KIAA1614: variants seen among roughly 807,000 people sequenced by gnomAD.
KIAA1614 encodes the protein uncharacterized protein KIAA1614.
A neutral mutation model predicts 88.7 loss-of-function variants in KIAA1614; 76 were observed. That is an observed-to-expected ratio of 0.86 (90% confidence interval 0.71 to 1.04). The LOEUF is 1.04. Among genes scored for constraint, KIAA1614 ranks in the 50% least tolerant of loss-of-function variants. The pLI is 0.00. For missense variants in KIAA1614, 1,553 were observed against 1,582.5 expected, an observed-to-expected ratio of 0.98 and a Z score of 0.32; for synonymous variants, 714 against 675.5, an observed-to-expected ratio of 1.06 and a Z score of -0.88.
At chr1:180,922,723 G>A (rs987000921) in intron 3 of KIAA1614, among the ~76,000 whole-genome samples, 3 of 152,178 alleles carry the variant, frequency 2.0e-5, no homozygotes, top group African/African-American at 7.2e-5. Context: ...TTCACCTCAA[G>A]CCACCAGAGC....
chr1:180,944,423 C>CT lies in KIAA1614; in HGVS notation c.3198dup (p.Gln1067SerfsTer107), dbSNP rs767665916. On this transcript the variant is annotated frameshift_variant, in exon 8 of 9. Transcript: ENST00000367588. LOFTEE classifies it high-confidence loss of function. ...TCTCACCAGCGTCGGAAAGCTGCCTCTTTTCAGAACCTCCATTCTCTGCTG... is the reference window on the plus strand; with the variant it reads ...TCTCACCAGCGTCGGAAAGCTGCCTCTTTTTCAGAACCTCCATTCTCTGCTG... The CT allele has an allele frequency of 6.2e-6, 10 of 1,613,858 alleles. No individual in the cohort carries two copies. In the Admixed American group the frequency reaches 1.7e-4, roughly 27 times the overall value.
intron 3 of KIAA1614, among the ~76,000 whole-genome samples, chr1:180,921,926 T>C (rs1653960918): frequency 6.6e-6 from 1 of 152,172 alleles, no homozygotes; most frequent in African/African-American, 2.4e-5. Context: ...AGAGACATAC[T>C]GGGAACGCAG....
intron 3 of KIAA1614, among the ~76,000 whole-genome samples, chr1:180,920,384 T>C (rs886242004): frequency 3.3e-5 from 5 of 152,174 alleles, no homozygotes; most frequent in African/African-American, 4.8e-5. Flanking sequence ...TCTAAGGGGC[T>C]TAGGACTTTG....
intron 6 of KIAA1614, 92 bp downstream of exon 6, chr1:180,938,803 C>A: frequency 8.3e-7 from 1 of 1,202,986 alleles, no homozygotes; most frequent in Non-Finnish European, 1.2e-6. Flanking sequence ...GTGGCATGAC[C>A]CACCTCCCTG....
At chr1:180,944,231 G>A (rs76052926) in intron 7 of KIAA1614, 158 bp from the exon 8 acceptor site, 8 of 675,390 alleles carry the variant, frequency 1.2e-5, no homozygotes, top group East Asian at 3.0e-5. Flanking sequence ...ATGTCCTTGA[G>A]TAAGTCATGG....
chr1:180,925,023 G>A (rs1279376309), intron 3 of KIAA1614, among the ~76,000 whole-genome samples: 5 of 151,950 alleles, frequency 3.3e-5, no homozygotes, highest in Admixed American at 3.3e-4. Context: ...TAGGGAAACT[G>A]AGGCTCAACT....
At chr1:180,944,775 G>C (rs953510912) in intron 8 of KIAA1614, 2 of 340,132 alleles carry the variant, frequency 5.9e-6, no homozygotes, top group African/African-American at 2.1e-5. Flanking sequence ...TGATTCCACT[G>C]TCCCTCTGCT....
chr1:180,927,328 C>A (rs989619301), intron 3 of KIAA1614, among the ~76,000 whole-genome samples: 2 of 152,204 alleles, frequency 1.3e-5, no homozygotes, highest in Non-Finnish European at 2.9e-5. Flanking sequence ...CCCCAAAGAG[C>A]GCATCTGCCC....
chr1:180,943,926 C>A (rs1654526543), intron 7 of KIAA1614: 1 of 161,478 alleles, frequency 6.2e-6, no homozygotes, highest in Admixed American at 6.1e-5. Flanking sequence ...TTTGTGAACT[C>A]CTTGAATGAT....
chr1:180,936,164 C>T lies in KIAA1614; in HGVS notation c.2255C>T (p.Pro752Leu). The T allele has an allele frequency of 1.2e-6, 2 of 1,614,176 alleles. No homozygotes were observed. Among genetic ancestry groups the T allele is most frequent in the Non-Finnish European group, 8.5e-7 (1 of 1,180,022 alleles). ...PCRTAYATTA[P>L]MTPESSGPGG... is the part of the protein sequence containing the mutation. ...AGGACAGCCTATGCCACCACCGCCC[C>T]CATGACGCCTGAATCATCGGGGCCA... The change falls in exon 5 of 9, where the codon CCC (proline) becomes CTC (leucine). Residue 752 changes from proline to leucine, a missense_variant. Transcript: ENST00000367588.
intron 3 of KIAA1614, among the ~76,000 whole-genome samples, chr1:180,921,087 C>T (rs1653943865): frequency 1.3e-5 from 2 of 152,166 alleles, no homozygotes; most frequent in Admixed American, 1.3e-4. Flanking sequence ...CTGTTTATTT[C>T]ACCTGGGTGC....
At chr1:180,942,069 C>G (rs1051579218) in intron 7 of KIAA1614, among the ~76,000 whole-genome samples, 2 of 151,494 alleles carry the variant, frequency 1.3e-5, no homozygotes, top group East Asian at 2.0e-4. Flanking sequence ...CCCCACCCCC[C>G]CAGCCCCGCT....
chr1:180,935,246 C>A lies in KIAA1614; in HGVS notation c.1337C>A (p.Ser446Ter), dbSNP rs777566599. 1 of 1,526,068 alleles carries A rather than the reference C, an allele frequency of 6.6e-7. No homozygotes were observed. Among genetic ancestry groups the A allele is most frequent in the South Asian group, 1.3e-5 (1 of 78,890 alleles). 94.5% of individuals were successfully genotyped at this position (1,526,068 alleles called of 1,614,324 possible). A position where few individuals can be genotyped will look rare whatever the true frequency, so the allele number is the denominator to read the frequency against. ...SGGHRPRRGP[S>*]PSHVRFEDES... ...GGGCACAGGCCGAGGCGGGGCCCCTCGCCGTCGCACGTGCGCTTTGAGGAT... is the reference window on the plus strand; with the variant it reads ...GGGCACAGGCCGAGGCGGGGCCCCTAGCCGTCGCACGTGCGCTTTGAGGAT... The change falls in exon 5 of 9, where the codon TCG becomes TAG. Residue 446 changes from serine to a stop codon, truncating the protein, a stop_gained. Transcript: ENST00000367588. LOFTEE classifies it high-confidence loss of function. The surrounding 1 kb of genome is among the most constrained non-coding windows in gnomAD (Gnocchi z 6.1).
At position 180,934,266 on chromosome 1, in the gene KIAA1614, A is replaced by AAAAAG. The variant is rs1210966485; in HGVS notation, c.1206-829_1206-825dup. ...AAACTCCGTCTCAAAAAAAAAAAAA[A>AAAAAG]AAAAGAAAAGAAAAGAAAAGAAAAA... is the stretch of plus-strand genomic sequence containing the variant. On this transcript the variant is annotated intron_variant, in intron 4 of 8. Transcript: ENST00000367588. Among the ~76,000 whole-genome samples the AAAAAG allele has an allele frequency of 1.0e-4, 12 of 115,942 alleles. No individual in the cohort carries two copies. In the East Asian group the frequency reaches 1.9e-3, roughly 19 times the overall value. 76.1% of individuals were successfully genotyped at this position (115,942 alleles called of 152,430 possible). A position where few individuals can be genotyped will look rare whatever the true frequency, so the allele number is the denominator to read the frequency against.
intron 3 of KIAA1614, 29 bp from the exon 4 acceptor site, chr1:180,928,401 A>T: frequency 6.6e-7 from 1 of 1,512,428 alleles, no homozygotes; most frequent in Non-Finnish European, 8.9e-7. Flanking sequence ...TCCCTCCCCC[A>T]CCACCCTGGC....
At chr1:180,930,533 G>C (rs1654174615) in intron 4 of KIAA1614, among the ~76,000 whole-genome samples, 1 of 152,202 alleles carries the variant, frequency 6.6e-6, no homozygotes, top group Non-Finnish European at 1.5e-5. Flanking sequence ...GTTCTACTTT[G>C]TAGAGGCATT....
chr1:180,943,548 A>ATTTTTTTTTTTT lies in KIAA1614; in HGVS notation c.3160-840_3160-839insTTTTTTTTTTTT, dbSNP rs201999726. Among the ~76,000 whole-genome samples the ATTTTTTTTTTTT allele has an allele frequency of 6.5e-3, 488 of 74,796 alleles. 27 individuals are homozygous for ATTTTTTTTTTTT. The highest frequency in any genetic ancestry group is 7.3e-3 in the Non-Finnish European group (286 of 39,192). The allele number at this position is 74,796 out of a possible 152,430, so 49.1% of individuals were successfully genotyped here. On this transcript the variant is annotated intron_variant, in intron 7 of 8. Coordinates refer to ENST00000367588, the MANE Select transcript of KIAA1614 (RefSeq NM_020950.2). ...GGATTGTAGGATTGAATGGTAGTAG[A>ATTTTTTTTTTTT]TCTTTTTTTTTTTTTTTTGAGACAG...
chr1:180,924,424 A>G (rs1654024004), intron 3 of KIAA1614, among the ~76,000 whole-genome samples: 1 of 152,218 alleles, frequency 6.6e-6, no homozygotes, highest in East Asian at 1.9e-4. Context: ...GAATCTGTTC[A>G]TCTTCAGGAA....
chr1:180,934,772 G>A (rs1294094918), intron 4 of KIAA1614, among the ~76,000 whole-genome samples: 1 of 152,038 alleles, frequency 6.6e-6, no homozygotes, highest in East Asian at 1.9e-4. Context: ...ACACACAGAC[G>A]CCGCACCACC....
Sources: gnomAD v4.1 joint callset for allele counts (sites outside exome capture counted in the v4.1 genomes callset) on GRCh38, gnomAD v4.1.1 for gene constraint, Gnocchi (gnomAD v3.1) non-coding constraint, MANE v1.5 for transcripts, NCBI Gene and HGNC (gene_info 2026-07-23, HGNC 2026-07-21) for gene names.